Variants in ST18 observed in about 807,000 individuals in gnomAD.
ST18 encodes ST18 C2H2C-type zinc finger transcription factor.
Under a neutral mutation model 110.0 loss-of-function variants are expected in ST18, and 50 were observed. That is an observed-to-expected ratio of 0.45 (90% CI 0.36 to 0.58). The LOEUF is 0.58. ST18 is among the 20% of genes least tolerant of loss of function. The pLI, the probability that ST18 is intolerant of heterozygous loss-of-function variation, is 0.00. For synonymous variants in ST18, 461 were observed against 452.4 expected, an observed-to-expected ratio of 1.02 and a Z score of -0.24; for missense variants, 1,306 against 1,280.1, an observed-to-expected ratio of 1.02 and a Z score of -0.31.
intron 10 of ST18, among the ~76,000 whole-genome samples, chr8:52,167,494 G>A (rs2063400237): frequency 6.6e-6 from 1 of 152,250 alleles, no homozygotes; most frequent in Admixed American, 6.5e-5. Context: ...GCTCCCTGCA[G>A]AGCAGCTGGC....
chr8:52,380,372 T>C (rs546127921), intron 2 of ST18, among the ~76,000 whole-genome samples: 62 of 152,308 alleles, frequency 4.1e-4, no homozygotes, highest in Non-Finnish European at 7.2e-4. Context: ...GTTAATCGAT[T>C]GTTTATGTCA....
chr8:52,391,174 C>G (rs1456894043), intron 2 of ST18, among the ~76,000 whole-genome samples: 5 of 152,182 alleles, frequency 3.3e-5, no homozygotes, highest in Non-Finnish European at 7.4e-5. Flanking sequence ...TCTTTCACCC[C>G]CTTTCCCTGG....
chr8:52,355,331 G>A (rs779587402), intron 2 of ST18, among the ~76,000 whole-genome samples: 4 of 152,154 alleles, frequency 2.6e-5, no homozygotes, highest in Non-Finnish European at 4.4e-5. Context: ...ACCTACCTCC[G>A]GGGCCTGTGT....
At chr8:52,192,918 C>A (rs964568287) in intron 8 of ST18, among the ~76,000 whole-genome samples, 1 of 152,180 alleles carries the variant, frequency 6.6e-6, no homozygotes, top group African/African-American at 2.4e-5. Flanking sequence ...TAGATACCGT[C>A]CTGGCAGGAG....
intron 3 of ST18, among the ~76,000 whole-genome samples, chr8:52,222,994 T>C (rs897346176): frequency 3.3e-5 from 5 of 152,168 alleles, no homozygotes; most frequent in East Asian, 1.9e-4. Flanking sequence ...AAAAAGGAAA[T>C]GATGTGACAA....
intron 9 of ST18, among the ~76,000 whole-genome samples, chr8:52,176,177 G>A (rs1039304434): frequency 1.2e-4 from 18 of 151,848 alleles, no homozygotes; most frequent in East Asian, 1.9e-4. Context: ...AAACACCACC[G>A]CATCCGGCTA....
chr8:52,264,970 G>A (rs938667520), intron 2 of ST18, among the ~76,000 whole-genome samples: 4 of 152,156 alleles, frequency 2.6e-5, no homozygotes, highest in African/African-American at 9.7e-5. Context: ...ATGAGACAAA[G>A]TACCTGCTAC....
At chr8:52,355,696 C>T (rs1180184340) in intron 2 of ST18, among the ~76,000 whole-genome samples, 1 of 152,202 alleles carries the variant, frequency 6.6e-6, no homozygotes, top group Admixed American at 6.5e-5. Context: ...TCATCTTAAA[C>T]TGCCTACCAT....
chr8:52,282,386 AAAATT>A (rs2095396711), intron 2 of ST18, among the ~76,000 whole-genome samples: 1 of 152,352 alleles, frequency 6.6e-6, no homozygotes, highest in Non-Finnish European at 1.5e-5. Context: ...TTCAACATTA[AAAATT>A]CTAATCATGT....
intron 2 of ST18, among the ~76,000 whole-genome samples, chr8:52,375,955 C>T (rs1339372581): frequency 6.6e-6 from 1 of 152,174 alleles, no homozygotes; most frequent in East Asian, 1.9e-4. Context: ...ACTCCGCTCA[C>T]ATCCCATCTT....
chr8:52,301,160 G>A (rs2095715026), intron 2 of ST18, among the ~76,000 whole-genome samples: 1 of 152,148 alleles, frequency 6.6e-6, no homozygotes. Context: ...GGCCATATAT[G>A]TTAATGCTAT....
chr8:52,210,564 A>G (rs2081845421), intron 8 of ST18, among the ~76,000 whole-genome samples: 1 of 152,096 alleles, frequency 6.6e-6, no homozygotes, highest in African/African-American at 2.4e-5. Context: ...AGGCTGAGGC[A>G]GGAGGATTTC....
chr8:52,365,893 G>T (rs777209078), intron 2 of ST18, among the ~76,000 whole-genome samples: 4 of 151,112 alleles, frequency 2.6e-5, no homozygotes, highest in Admixed American at 6.6e-5. Flanking sequence ...AGAGATAGGG[G>T]TCTCACTCTG....
chr8:52,209,776 A>ATATATATATATATAT (rs1196733238), intron 8 of ST18, among the ~76,000 whole-genome samples: 1 of 131,108 alleles, frequency 7.6e-6, no homozygotes, highest in Middle Eastern at 3.4e-3. Context: ...ATCTCAAAAA[A>ATATATATATATATAT]AAAAAAAAAA....
intron 2 of ST18, among the ~76,000 whole-genome samples, chr8:52,383,014 CCTTCT>C (rs1835153464): frequency 6.6e-6 from 1 of 152,092 alleles, no homozygotes; most frequent in Admixed American, 6.5e-5. Flanking sequence ...CCTGGGTTCT[CCTTCT>C]CTTCTCTCCC....
rs371371521 is a variant in ST18, at chr8:52,205,863, C to T, written c.86+6216G>A. On this transcript the variant is annotated intron_variant, in intron 8 of 25. Coordinates refer to ENST00000689386, the MANE Select transcript of ST18 (RefSeq NM_001352837.2). ...GATTACAGGGATGAGCCACTACGCC[C>T]GGCCAGTGGTCTCTTTATAATTGGC... is the stretch of plus-strand genomic sequence containing the variant. 4.7e-4 allele frequency among the ~76,000 whole-genome samples: 71 copies of T among 152,228 alleles called. No individual in the cohort carries two copies. The East Asian group carries it at 8.5e-3, about 18-fold the overall frequency.
intron 2 of ST18, among the ~76,000 whole-genome samples, chr8:52,336,863 G>T (rs1295377029): frequency 6.6e-6 from 1 of 152,204 alleles, no homozygotes; most frequent in African/African-American, 2.4e-5. Flanking sequence ...GCAGGTGGGG[G>T]TTGTAAGCCC....
At chr8:52,329,004 T>A (rs1162761757) in intron 2 of ST18, among the ~76,000 whole-genome samples, 1 of 152,184 alleles carries the variant, frequency 6.6e-6, no homozygotes, top group Non-Finnish European at 1.5e-5. Context: ...TTCTCTAACA[T>A]CACCTTTTGT....
At chr8:52,262,305 TG>T in intron 2 of ST18, among the ~76,000 whole-genome samples, 1 of 152,318 alleles carries the variant, frequency 6.6e-6, no homozygotes, top group African/African-American at 2.4e-5. Context: ...CATAAACTTT[TG>T]GGGTGCGCAT....
Sources: gnomAD v4.1 joint callset for allele counts (sites outside exome capture counted in the v4.1 genomes callset) on GRCh38, gnomAD v4.1.1 for gene constraint, MANE v1.5 for transcripts, NCBI Gene and HGNC (gene_info 2026-07-23, HGNC 2026-07-21) for gene names.